FTSJ3: variants seen among roughly 807,000 people sequenced by gnomAD.
The protein encoded by FTSJ3 is pre-rRNA 2'-O-ribose RNA methyltransferase FTSJ3.
Under a neutral mutation model 111.5 loss-of-function variants are expected in FTSJ3, and 46 were observed. That is an observed-to-expected ratio of 0.41 (90% CI 0.33 to 0.53). The LOEUF is 0.53. Among genes scored for constraint, FTSJ3 ranks in the 20% least tolerant of loss-of-function variants. The probability of loss-of-function intolerance (pLI) is 0.19; values close to 1 mark genes in which losing one functional copy is unlikely to be tolerated. For missense variants in FTSJ3, 1,075 were observed against 1,063.8 expected (o/e 1.01, Z -0.15); for synonymous variants, 408 against 383.0 (o/e 1.07, Z -0.76).
chr17:63,824,553 C>T, intron 10 of FTSJ3, 84 bp downstream of exon 10: 2 of 1,425,622 alleles, frequency 1.4e-6, no homozygotes, highest in Non-Finnish European at 9.9e-7. Flanking sequence ...TTTAGCACAG[C>T]AATATCCTCT....
Position 63,825,149 on chromosome 17 carries a change from C to T in FTSJ3, c.610G>A (p.Asp204Asn), listed in dbSNP as rs2040086048. Residue 204 changes from aspartate to asparagine, a missense_variant, in exon 8 of 21, where the codon GAC (aspartate) becomes AAC (asparagine). Around this residue, in one of 2 missense-constraint regions of FTSJ3, gnomAD observed 208 missense variants for 266.9 expected, o/e 0.78. Transcript: ENST00000427159. Reference protein sequence around the residue: ...FVVCQGFLAPDKVDSKFFDPK... With the variant: ...FVVCQGFLAPNKVDSKFFDPK... ...TCAAAGAATTTACTGTCAACCTTGT[C>T]AGGGGCCAGGAATCCTAAAAATGAC... 6.2e-7 allele frequency: 1 copy of T among 1,614,048 alleles called. No individual in the cohort carries two copies. Among genetic ancestry groups the T allele is most frequent in the Non-Finnish European group, 8.5e-7 (1 of 1,180,034 alleles).
chr17:63,820,778 A>G (rs2144602534), intron 18 of FTSJ3, 61 bp downstream of exon 18: 1 of 1,298,598 alleles, frequency 7.7e-7, no homozygotes, highest in South Asian at 1.2e-5. Flanking sequence ...TCAAAAACAA[A>G]AAATTACCCA....
chr17:63,821,144 T>A, intron 16 of FTSJ3, 29 bp from the exon 17 acceptor site: 1 of 1,605,646 alleles, frequency 6.2e-7, no homozygotes, highest in South Asian at 1.1e-5. Flanking sequence ...TCTGAGTGAT[T>A]CCACCACTCT....
chr17:63,820,986 C>CTTCCA (rs1278811682), intron 17 of FTSJ3, 44 bp downstream of exon 17: 5 of 1,609,150 alleles, frequency 3.1e-6, no homozygotes, highest in Non-Finnish European at 4.3e-6. Flanking sequence ...AATACTGAGA[C>CTTCCA]TTCCAGTGGT....
rs1165035833 is a variant in FTSJ3, at chr17:63,827,358, G to C, written c.-333C>G. The C allele has an allele frequency of 1.6e-6, 2 of 1,246,002 alleles. No individual in the cohort carries two copies. The highest frequency in any genetic ancestry group is 1.1e-6 in the Non-Finnish European group (1 of 878,764). The allele number at this position is 1,246,002 out of a possible 1,614,324, so 77.2% of individuals were successfully genotyped here. On this transcript the variant is annotated 5_prime_UTR_variant, in exon 1 of 21. Transcript: ENST00000427159. ...CGCCCCTCCCATCATGGTTCCCTTA[G>C]TGTGGTCTCGCCGCACACCCCGCCC...
intron 3 of FTSJ3, 42 bp from the exon 4 acceptor site, chr17:63,826,346 T>C (rs777049941): frequency 6.3e-7 from 1 of 1,595,348 alleles, no homozygotes. Context: ...AGCCATCCTT[T>C]TCCCCCTCTT....
chr17:63,827,598 A>G lies in FTSJ3; in HGVS notation c.-573T>C, dbSNP rs2040124892. On this transcript the variant is annotated 5_prime_UTR_variant, in exon 1 of 21. Transcript: ENST00000427159. The stretch of plus-strand genomic sequence containing the variant: ...ATCTGAGTGGAGAGCGGGCCGGGGC[A>G]GGAGCGTCGGGTGGGTCGGAGGTGC... 3.4e-5 allele frequency: 52 copies of G among 1,550,236 alleles called. No homozygotes were observed. The highest frequency in any genetic ancestry group is 4.5e-5 in the Non-Finnish European group (52 of 1,146,398).
chr17:63,819,822 TC>T lies in FTSJ3; in HGVS notation c.2523del (p.Lys843AsnfsTer31). 1.2e-6 allele frequency: 2 copies of T among 1,613,024 alleles called. No individual in the cohort carries two copies. Among genetic ancestry groups the T allele is most frequent in the Middle Eastern group, 1.7e-4 (1 of 6,060 alleles). On this transcript the variant is annotated frameshift_variant, in exon 21 of 21. Transcript: ENST00000427159. LOFTEE classifies it high-confidence loss of function. Reference protein sequence around the residue: ...DQRAQQRKEQKKKHKRK With the variant: ...DQRAQQRKEQXKKHKRK ...TCTGCTTACTTCCGTTTGTGTTTTT[TC>T]TTTTGTTCCTTACGTTGCTGTGCTC...
rs772089187 is a variant in FTSJ3 at position 63,825,352 on chromosome 17, C to G, written c.485G>C (p.Arg162Pro). Residue 162 changes from arginine (R) to proline (P), a missense_variant, in exon 7 of 21, where the codon CGT (arginine) becomes CCT (proline). Arg to Pro is a moderately radical substitution (Grantham distance 103). This residue lies in a region of FTSJ3 where 208 missense variants were observed against 266.9 expected (regional missense o/e 0.78). Coordinates refer to ENST00000427159, the MANE Select transcript of FTSJ3 (RefSeq NM_017647.4). ...GSFITKVFRS[R>P]DYQPLLWIFQ... is the part of the protein sequence containing the mutation. ...GATCCATAGCAGAGGCTGATAGTCA[C>G]GAGAACGGAAAACCTTTGTGATGAA... 6.2e-7 allele frequency: 1 copy of G among 1,614,032 alleles called. No individual in the cohort carries two copies. Among genetic ancestry groups the G allele is most frequent in the Non-Finnish European group, 8.5e-7 (1 of 1,180,044 alleles).
intron 12 of FTSJ3, 54 bp from the exon 13 acceptor site, chr17:63,824,006 A>G (rs1327744641): frequency 1.2e-6 from 2 of 1,613,656 alleles, no homozygotes; most frequent in Non-Finnish European, 8.5e-7. Context: ...GTTTCTATCC[A>G]TGCCTTGCAT....
rs768098653 is a variant in FTSJ3, at chr17:63,826,347, TC to T, written c.174-44del. On this transcript the variant is annotated intron_variant, in intron 3 of 20. Coordinates refer to ENST00000427159, the MANE Select transcript of FTSJ3 (RefSeq NM_017647.4). ...ATTTAAAAACCTAGAGCCATCCTTT[TC>T]CCCCTCTTGGCAACTGATCTCTCAT... 22 of 1,594,892 alleles carry T rather than the reference TC, an allele frequency of 1.4e-5. No individual in the cohort carries two copies. The African/African-American group carries it at 2.5e-4, about 18-fold the overall frequency.
At chr17:63,826,463 A>G (rs2040105218) in intron 3 of FTSJ3, 104 bp downstream of exon 3, 2 of 1,200,894 alleles carry the variant, frequency 1.7e-6, no homozygotes, top group South Asian at 2.5e-5. Context: ...GGCCCCCAAG[A>G]GGACCGGGAT....
chr17:63,823,598 A>G, intron 13 of FTSJ3: 1 of 516,610 alleles, frequency 1.9e-6, no homozygotes, highest in Non-Finnish European at 3.4e-6. Flanking sequence ...CCGTCTCAAA[A>G]AAAAAAAAAA....
rs769742109 is a variant in FTSJ3, at chr17:63,824,737, T to A, written c.817A>T (p.Ile273Phe). The A allele has an allele frequency of 3.1e-6, 5 of 1,613,296 alleles. No individual in the cohort carries two copies. Among genetic ancestry groups the A allele is most frequent in the Non-Finnish European group, 4.2e-6 (5 of 1,179,358 alleles). The change falls in exon 10 of 21, where the codon ATC becomes TTC. Residue 273 changes from isoleucine to phenylalanine, a missense_variant and splice_region_variant. Physicochemically the swap from Ile to Phe is conservative, Grantham distance 21. This residue lies in a region of FTSJ3 where 867 missense variants were observed against 796.9 expected (regional missense o/e 1.09). Transcript: ENST00000427159. Reference sequence around the variant, plus strand: ...GCCAACTCTTCATCATCTACCATGATCTGTTTGGGAGGATGGAAAGGTGTC... The same window carrying A: ...GCCAACTCTTCATCATCTACCATGAACTGTTTGGGAGGATGGAAAGGTGTC... ...PVDFLSKASE[I>F]MVDDEELAQH...
chr17:63,827,504 G>T lies in FTSJ3; in HGVS notation c.-479C>A. The stretch of plus-strand genomic sequence containing the variant: ...TGAAGAGAGAAGATGGCGCTTGACG[G>T]ACCAGAGCAGGTATGGCGGGTGCAG... On this transcript the variant is annotated 5_prime_UTR_variant, in exon 1 of 21. Transcript: ENST00000427159. The T allele has an allele frequency of 6.4e-7, 1 of 1,551,764 alleles. No individual in the cohort carries two copies. Among genetic ancestry groups the T allele is most frequent in the Non-Finnish European group, 8.7e-7 (1 of 1,147,006 alleles).
chr17:63,824,172 A>T lies in FTSJ3; in HGVS notation c.1066T>A (p.Ser356Thr), dbSNP rs146889707. The change falls in exon 12 of 21, where the codon TCT becomes ACT. Residue 356 changes from serine (S) to threonine (T), a missense_variant. By Grantham distance (58) the Ser-to-Thr change is moderately conservative (BLOSUM62 1). Coordinates refer to ENST00000427159, the MANE Select transcript of FTSJ3 (RefSeq NM_017647.4). ...DSTAGTTKQPSKEEEEEEEEE... is the reference protein window; with the variant it reads ...DSTAGTTKQPTKEEEEEEEEE... ...TCCTCCTCTTCCTCCTCCTCCTTAG[A>T]GGGCTGCTTTGTGGTTCCAGCTGTT... is the stretch of plus-strand genomic sequence containing the variant. The T allele has an allele frequency of 1.9e-6, 3 of 1,613,802 alleles. No homozygotes were observed. Among genetic ancestry groups the T allele is most frequent in the Non-Finnish European group, 2.5e-6 (3 of 1,180,000 alleles).
Position 63,826,947 on chromosome 17 carries a change from T to A in FTSJ3, c.-26-19A>T, listed in dbSNP as rs760342757. ...CCTCAATCTGGGGAGAAAGTAGAAGTTGGGAACGTCTCTTTCCGGAGCACC... is the reference window on the plus strand; with the variant it reads ...CCTCAATCTGGGGAGAAAGTAGAAGATGGGAACGTCTCTTTCCGGAGCACC... On this transcript the variant is annotated intron_variant, in intron 1 of 20. Transcript: ENST00000427159. The A allele has an allele frequency of 6.6e-7, 1 of 1,519,820 alleles. No homozygotes were observed. Among genetic ancestry groups the A allele is most frequent in the Non-Finnish European group, 9.1e-7 (1 of 1,094,294 alleles). The allele number at this position is 1,519,820 out of a possible 1,614,324, so 94.1% of individuals were successfully genotyped here.
Position 63,820,575 on chromosome 17 carries a change from G to A in FTSJ3, c.2073-137C>T. 1.8e-5 allele frequency: 15 copies of A among 848,574 alleles called. No homozygotes were observed. In the South Asian group the frequency reaches 2.3e-4, roughly 13 times the overall value. The allele number at this position is 848,574 out of a possible 1,614,324, so 52.6% of individuals were successfully genotyped here. On this transcript the variant is annotated intron_variant, in intron 18 of 20. Transcript: ENST00000427159. ...GTGGGCAGATCACCTGAGGTCAGGA[G>A]TTTGACCAGCCTGGCCAACATGGTG...
rs1018998343 is a variant in FTSJ3, at chr17:63,820,108, T to C, written c.2322A>G (p.Ser774=). 1 of 1,613,878 alleles carries C rather than the reference T, an allele frequency of 6.2e-7. No homozygotes were observed. Among genetic ancestry groups the C allele is most frequent in the African/African-American group, 1.3e-5 (1 of 74,924 alleles). ...GCAGCTGTGCCACTTTCTCTCGTTC[T>C]GAGATGTCCACTGTGTTCACCACGG... The part of the protein sequence containing the change: ...AEAVVNTVDI[S]EREKVAQLRS... The change falls in exon 20 of 21, where the codon TCA becomes TCG. Residue 774 remains serine (S), a synonymous_variant. Coordinates refer to ENST00000427159, the MANE Select transcript of FTSJ3 (RefSeq NM_017647.4).
Sources: allele counts gnomAD v4.1 joint callset, GRCh38; gene constraint gnomAD v4.1.1; regional missense constraint gnomAD v4.1.1; transcripts MANE v1.5; gene names NCBI Gene and HGNC (gene_info 2026-07-23, HGNC 2026-07-21).